PRKN: variants seen among roughly 807,000 people sequenced by gnomAD.
The protein encoded by PRKN is parkin RBR E3 ubiquitin protein ligase.
In PRKN, 56 loss-of-function variants were observed where a neutral mutation model predicts 59.5. The ratio of observed to expected loss-of-function variants is 0.94; its 90% CI spans 0.76 to 1.18. PRKN has a LOEUF of 1.18. Ranked by LOEUF, PRKN falls within the 50% of genes most tolerant of loss-of-function variation. The pLI is 0.00. For missense variants in PRKN, 657 were observed against 596.4 expected, an observed-to-expected ratio of 1.10 and a Z score of -1.06; for synonymous variants, 250 against 222.1, an observed-to-expected ratio of 1.13 and a Z score of -1.12.
At chr6:161,572,153 T>G (rs576613640) in intron 7 of PRKN, among the ~76,000 whole-genome samples, 1 of 152,188 alleles carries the variant, frequency 6.6e-6, no homozygotes, top group African/African-American at 2.4e-5. Context: ...AAGGTCCTGT[T>G]TCTTGGGAGA....
chr6:161,959,164 G>T (rs1445246385), intron 6 of PRKN, among the ~76,000 whole-genome samples: 1 of 152,084 alleles, frequency 6.6e-6, no homozygotes, highest in Non-Finnish European at 1.5e-5. Flanking sequence ...TGTTGCCCAA[G>T]GGCTGTAGAA....
chr6:161,641,617 T>C (rs547257758), intron 7 of PRKN, among the ~76,000 whole-genome samples: 1 of 152,362 alleles, frequency 6.6e-6, no homozygotes, highest in East Asian at 1.9e-4. Flanking sequence ...TGAAACTCTT[T>C]CTCTATTGCA....
chr6:162,565,082 TATAA>T (rs59592937), intron 1 of PRKN, among the ~76,000 whole-genome samples: 33,899 of 151,872 alleles, frequency 0.22, 4,513 homozygotes, highest in African/African-American at 0.37. Flanking sequence ...TACAATAAGA[TATAA>T]ATAGACACAA....
chr6:162,313,348 G>A (rs748284390), intron 2 of PRKN, among the ~76,000 whole-genome samples: 2 of 152,124 alleles, frequency 1.3e-5, no homozygotes, highest in African/African-American at 2.4e-5. Flanking sequence ...GTAGTTCACA[G>A]AGTATTTTTC....
chr6:161,981,983 C>G (rs1287196626), intron 5 of PRKN, among the ~76,000 whole-genome samples: 1 of 152,186 alleles, frequency 6.6e-6, no homozygotes, highest in Non-Finnish European at 1.5e-5. Context: ...CACAACTTTG[C>G]TGAGAAGGAG....
At chr6:161,734,322 C>T (rs1232295474) in intron 7 of PRKN, among the ~76,000 whole-genome samples, 3 of 152,142 alleles carry the variant, frequency 2.0e-5, no homozygotes, top group African/African-American at 7.2e-5. Flanking sequence ...TCCAGGCCTG[C>T]GAATTAGGCT....
chr6:161,350,379 AT>A (rs1784482509), intron 11 of PRKN, among the ~76,000 whole-genome samples, 168 bp from the exon 12 acceptor site: 1 of 151,792 alleles, frequency 6.6e-6, no homozygotes. Flanking sequence ...ATAAAGCACA[AT>A]AGGGCAGCTC....
intron 1 of PRKN, among the ~76,000 whole-genome samples, chr6:162,491,128 G>A (rs1014824408): frequency 6.7e-6 from 1 of 148,866 alleles, no homozygotes; most frequent in African/African-American, 2.5e-5. Context: ...AAATTAGCCA[G>A]GTCTGGTGAC....
At chr6:161,954,721 T>C (rs1311934732) in intron 6 of PRKN, among the ~76,000 whole-genome samples, 2 of 152,202 alleles carry the variant, frequency 1.3e-5, no homozygotes, top group African/African-American at 4.8e-5. Context: ...TCGAGGTTTT[T>C]GGAATTTATT....
In PRKN at chr6:161,548,753, C is replaced by G; in HGVS notation, c.1083+101G>C. 1.7e-6 allele frequency: 2 copies of G among 1,146,666 alleles called. No individual in the cohort carries two copies. Among genetic ancestry groups the G allele is most frequent in the East Asian group, 4.7e-5 (2 of 42,258 alleles). 71.0% of individuals were successfully genotyped at this position (1,146,666 alleles called of 1,614,324 possible). A position where few individuals can be genotyped will look rare whatever the true frequency, so the allele number is the denominator to read the frequency against. On this transcript the variant is annotated intron_variant, in intron 9 of 11. Coordinates refer to ENST00000366898, the MANE Select transcript of PRKN (RefSeq NM_004562.3). The surrounding 1 kb of genome is among the most constrained non-coding windows in gnomAD (Gnocchi z 4.2). ...ATGTAAGTTCAAAGATGTCTAAGTC[C>G]AAAGGGAAAATGAAAATAAAATAAA...
At chr6:161,883,512 G>T (rs1795020817) in intron 6 of PRKN, among the ~76,000 whole-genome samples, 1 of 151,708 alleles carries the variant, frequency 6.6e-6, no homozygotes, top group Non-Finnish European at 1.5e-5. Context: ...AGGGAAGGTG[G>T]GGAGGGGAGG....
intron 1 of PRKN, among the ~76,000 whole-genome samples, chr6:162,668,209 T>A (rs1337739772): frequency 6.6e-6 from 1 of 152,232 alleles, no homozygotes; most frequent in Non-Finnish European, 1.5e-5. Context: ...CAGTTATATT[T>A]AGAAAATGAA....
At chr6:161,639,309 G>A (rs1783650467) in intron 7 of PRKN, among the ~76,000 whole-genome samples, 1 of 152,162 alleles carries the variant, frequency 6.6e-6, no homozygotes, top group Admixed American at 6.5e-5. Flanking sequence ...TGACCATTGG[G>A]GATCAGTCCA....
At chr6:161,667,537 G>T (rs1784766961) in intron 7 of PRKN, among the ~76,000 whole-genome samples, 1 of 152,146 alleles carries the variant, frequency 6.6e-6, no homozygotes, top group Non-Finnish European at 1.5e-5. Flanking sequence ...TAATATCCTT[G>T]TTAGAGGGTT....
chr6:161,993,375 T>C (rs1037948590), intron 5 of PRKN, among the ~76,000 whole-genome samples: 5 of 152,056 alleles, frequency 3.3e-5, no homozygotes, highest in African/African-American at 9.7e-5. Flanking sequence ...CTTGGACACA[T>C]ACAACCTACC....
intron 7 of PRKN, among the ~76,000 whole-genome samples, chr6:161,657,603 A>C (rs1052227705): frequency 5.3e-5 from 8 of 152,216 alleles, no homozygotes; most frequent in Non-Finnish European, 1.2e-4. Flanking sequence ...TGCAACAACC[A>C]AATTGCTAAC....
At chr6:161,750,174 C>T (rs1788628321) in intron 7 of PRKN, among the ~76,000 whole-genome samples, 1 of 151,258 alleles carries the variant, frequency 6.6e-6, no homozygotes, top group South Asian at 2.1e-4. Flanking sequence ...TGTTTTGCCT[C>T]CTAACTTGCA....
intron 5 of PRKN, among the ~76,000 whole-genome samples, chr6:162,003,885 A>G (rs1291564029): frequency 1.3e-5 from 2 of 152,276 alleles, no homozygotes; most frequent in East Asian, 3.9e-4. Context: ...GTGTTCTATT[A>G]TTGAAAGAGA....
At chr6:161,718,269 A>G (rs138319474) in intron 7 of PRKN, among the ~76,000 whole-genome samples, 1 of 152,222 alleles carries the variant, frequency 6.6e-6, no homozygotes, top group Non-Finnish European at 1.5e-5. Context: ...GCAATCACCA[A>G]GAGGCACCTC....
Sources: gnomAD v4.1 joint callset for allele counts (sites outside exome capture counted in the v4.1 genomes callset) on GRCh38, gnomAD v4.1.1 for gene constraint, Gnocchi (gnomAD v3.1) non-coding constraint, MANE v1.5 for transcripts, NCBI Gene and HGNC (gene_info 2026-07-23, HGNC 2026-07-21) for gene names.